GPHN: variants seen among roughly 807,000 people sequenced by gnomAD.
GPHN encodes the protein gephyrin.
A neutral mutation model predicts 95.5 loss-of-function variants in GPHN; 17 were observed. The ratio of observed to expected loss-of-function variants is 0.18; its 90% CI spans 0.12 to 0.27. The LOEUF is 0.27. Ranked by LOEUF, GPHN falls within the 10% of genes least tolerant of loss-of-function variation. The pLI is 1.00. For synonymous variants in GPHN, 320 were observed against 322.5 expected, an observed-to-expected ratio of 0.99 and a Z score of 0.08; for missense variants, 660 against 978.1, an observed-to-expected ratio of 0.67 and a Z score of 4.34.
chr14:66,750,584 T>C (rs1050782236), intron 2 of GPHN, among the ~76,000 whole-genome samples: 2 of 151,866 alleles, frequency 1.3e-5, no homozygotes, highest in African/African-American at 4.8e-5. Context: ...ACAGGTAAAG[T>C]TGATTCATAA....
chr14:67,199,172 A>ACAGTAGT, the GPHN span: 1 of 1,602,256 alleles, frequency 6.2e-7, no homozygotes, highest in Admixed American at 1.7e-5. Context: ...TCCAGGCTGG[A>ACAGTAGT]CCAGTAGTCA....
chr14:66,978,050 A>G lies in GPHN; in HGVS notation c.963+12725A>G, dbSNP rs187065440. Among the ~76,000 whole-genome samples the G allele has an allele frequency of 1.2e-4, 19 of 152,338 alleles. No homozygotes were observed. In the East Asian group the frequency reaches 1.7e-3, roughly 14 times the overall value. ...TTATGTTTATACTCTCCTGTAGTCT[A>G]TTAAGTGTGAAAAGGATTATGTCTA... On this transcript the variant is annotated intron_variant, in intron 9 of 22. Coordinates refer to ENST00000478722, the MANE Select transcript of GPHN (RefSeq NM_020806.5).
At chr14:66,567,523 T>C (rs1052062694) in intron 1 of GPHN, among the ~76,000 whole-genome samples, 5 of 152,216 alleles carry the variant, frequency 3.3e-5, no homozygotes, top group Admixed American at 6.5e-5. Flanking sequence ...GGGTTCTCAG[T>C]AAATCCTTTG....
chr14:66,700,533 C>T (rs182964298), intron 2 of GPHN, among the ~76,000 whole-genome samples: 227 of 152,138 alleles, frequency 1.5e-3, no homozygotes, highest in Middle Eastern at 3.4e-3. Flanking sequence ...TGGGACAACT[C>T]GGGGATGAAG....
intron 9 of GPHN, chr14:66,969,289 G>A (rs1335453805): frequency 6.6e-6 from 1 of 152,072 alleles, no homozygotes; most frequent in Admixed American, 6.6e-5. Flanking sequence ...TCATTGTCCT[G>A]AGTAAAATAG....
chr14:67,729,104 C>T, the GPHN span: 1 of 1,364,044 alleles, frequency 7.3e-7, no homozygotes, highest in East Asian at 2.3e-5. Flanking sequence ...GTCCCTCCTT[C>T]TCACTTGTGT....
the GPHN span, among the ~76,000 whole-genome samples, chr14:67,508,135 C>A: frequency 6.9e-4 from 90 of 130,568 alleles, no homozygotes; most frequent in Admixed American, 9.2e-4. Context: ...AACTCCATCT[C>A]AAAAAAAAAA....
the GPHN span, chr14:67,332,665 A>G: frequency 7.6e-6 from 8 of 1,054,948 alleles, no homozygotes; most frequent in Non-Finnish European, 1.1e-5. Flanking sequence ...TGAGGTTGGG[A>G]GAGACAGAAG....
chr14:67,493,281 C>T, the GPHN span, among the ~76,000 whole-genome samples: 1 of 152,222 alleles, frequency 6.6e-6, no homozygotes, highest in Non-Finnish European at 1.5e-5. Flanking sequence ...TGCACCCAAA[C>T]ACGCCCAAGC....
chr14:66,667,690 A>G lies in GPHN; in HGVS notation c.65-13417A>G, dbSNP rs116424651. 5.5e-3 allele frequency among the ~76,000 whole-genome samples: 837 copies of G among 151,900 alleles called. 10 individuals carry two copies. The highest frequency in any genetic ancestry group is 0.019 in the African/African-American group (793 of 41,238). On this transcript the variant is annotated intron_variant, in intron 1 of 22. Transcript: ENST00000478722. ...AGACTTAAGTGTAAAACCCGAAACTATAAAAACCCTGGAAGACAGCCTAGG... is the reference window on the plus strand; with the variant it reads ...AGACTTAAGTGTAAAACCCGAAACTGTAAAAACCCTGGAAGACAGCCTAGG...
the GPHN span, among the ~76,000 whole-genome samples, chr14:67,426,187 G>T: frequency 6.6e-6 from 1 of 152,068 alleles, no homozygotes. Flanking sequence ...TTTTCCTGCG[G>T]AGAGACAAGC....
chr14:67,433,913 C>T, the GPHN span, among the ~76,000 whole-genome samples: 1 of 152,158 alleles, frequency 6.6e-6, no homozygotes, highest in Non-Finnish European at 1.5e-5. Flanking sequence ...GAGAAGAAAA[C>T]ATTTTGACTA....
chr14:67,194,377 G>A, the GPHN span, among the ~76,000 whole-genome samples: 1 of 151,746 alleles, frequency 6.6e-6, no homozygotes, highest in African/African-American at 2.4e-5. Flanking sequence ...AAAAAAAAGA[G>A]TGAACCTAGT....
intron 1 of GPHN, among the ~76,000 whole-genome samples, chr14:66,629,090 TATATAAATATATATTTATATAC>T (rs2063635753): frequency 7.2e-6 from 1 of 138,774 alleles, no homozygotes; most frequent in South Asian, 2.2e-4. Flanking sequence ...CATATATATA[TATATAAATATATATTTATATAC>T]ATATATAAAT....
chr14:67,211,136 G>A, the GPHN span, among the ~76,000 whole-genome samples: 2 of 152,104 alleles, frequency 1.3e-5, no homozygotes, highest in Non-Finnish European at 2.9e-5. Context: ...TTTGTAACAT[G>A]GGGATACTAT....
chr14:67,705,964 G>T, the GPHN span: 1 of 152,248 alleles, frequency 6.6e-6, no homozygotes, highest in African/African-American at 2.4e-5. Flanking sequence ...ATCAGGTGCA[G>T]TGGCATGTGC....
chr14:67,204,601 AAGCTGGTGAGTGGTCGAGCCTACT>A, the GPHN span: 1 of 1,613,784 alleles, frequency 6.2e-7, no homozygotes, highest in Non-Finnish European at 8.5e-7. Context: ...CCTGAAAGTA[AAGCTGGTGAGTGGTCGAGCCTACT>A]ACTTACAGCT....
rs1393629518 is a variant in GPHN at position 66,961,929 on chromosome 14, TATATATATATATATATATAC to T, written c.829-3260_829-3241del. Among the ~76,000 whole-genome samples the T allele has an allele frequency of 6.0e-3, 448 of 74,876 alleles. 6 individuals are homozygous for T. The highest frequency in any genetic ancestry group is 0.041 in the African/African-American group (427 of 10,380). The allele number at this position is 74,876 out of a possible 152,430, so 49.1% of individuals were successfully genotyped here. On this transcript the variant is annotated intron_variant, in intron 8 of 22. Coordinates refer to ENST00000478722, the MANE Select transcript of GPHN (RefSeq NM_020806.5). ...ATATATATATATATATATATATATA[TATATATATATATATATATAC>T]ACATATCTCCCAGAAATTTACTCAC... is the stretch of plus-strand genomic sequence containing the variant.
chr14:66,887,629 C>A (rs1285671842), intron 5 of GPHN, among the ~76,000 whole-genome samples: 1 of 152,124 alleles, frequency 6.6e-6, no homozygotes, highest in Non-Finnish European at 1.5e-5. Flanking sequence ...TCCCCACCCC[C>A]ACACATCCCC....
Sources: allele counts gnomAD v4.1 joint callset (sites outside exome capture counted in the v4.1 genomes callset), GRCh38; gene constraint gnomAD v4.1.1; transcripts MANE v1.5; gene names NCBI Gene and HGNC (gene_info 2026-07-23, HGNC 2026-07-21).